The following TSPAN11 variants were observed in gnomAD, a reference collection of about 807,000 sequenced individuals.
TSPAN11 encodes tetraspanin 11.
In TSPAN11, 29 loss-of-function variants were observed where a neutral mutation model predicts 32.9. The ratio of observed to expected loss-of-function variants is 0.88; its 90% CI spans 0.66 to 1.20. TSPAN11 has a LOEUF of 1.20. Ranked by LOEUF, TSPAN11 falls within the 50% of genes most tolerant of loss-of-function variation. The probability of loss-of-function intolerance (pLI) is 0.00; values close to 1 mark genes in which losing one functional copy is unlikely to be tolerated. For synonymous variants in TSPAN11, 140 were observed against 141.3 expected (o/e 0.99, Z 0.07); for missense variants, 283 against 329.1 (o/e 0.86, Z 1.08).
At chr12:30,974,155 C>T (rs1340947610) in intron 3 of TSPAN11, among the ~76,000 whole-genome samples, 4 of 152,270 alleles carry the variant, frequency 2.6e-5, no homozygotes, top group African/African-American at 7.2e-5. Context: ...TGTTCTGTTT[C>T]CAGCTCTTCG....
At chr12:30,978,944 T>C in intron 4 of TSPAN11, 1 of 388,304 alleles carries the variant, frequency 2.6e-6, no homozygotes, top group Non-Finnish European at 4.7e-6. Context: ...GTCAGAGACA[T>C]CCAAGAAGAA....
chr12:30,963,942 G>T lies in TSPAN11; in HGVS notation c.201G>T (p.Ala67=), dbSNP rs550165774. 2 of 1,614,056 alleles carry T rather than the reference G, an allele frequency of 1.2e-6. No homozygotes were observed. The highest frequency in any genetic ancestry group is 4.5e-5 in the East Asian group (2 of 44,888). Reference sequence around the variant, plus strand: ...CCTCCGCCTACATCCTCATCTTTGCGGGCGTACTTGTCATGGTGACCGGCT... The same window carrying T: ...CCTCCGCCTACATCCTCATCTTTGCTGGCGTACTTGTCATGGTGACCGGCT... ...FAASAYILIF[A]GVLVMVTGFL... is the part of the protein sequence containing the mutation. The change falls in exon 3 of 8, where the codon GCG becomes GCT. Residue 67 remains alanine (A), a synonymous_variant. Coordinates refer to ENST00000546076, the MANE Select transcript of TSPAN11 (RefSeq NM_001370302.1).
intron 1 of TSPAN11, among the ~76,000 whole-genome samples, chr12:30,939,476 C>T (rs79316579): frequency 0.023 from 3,443 of 152,294 alleles, 129 homozygotes; most frequent in African/African-American, 0.078. Context: ...GACAGGATGA[C>T]GCGCCTTCCT....
chr12:30,963,869 TGGA>T lies in TSPAN11; in HGVS notation c.130_132del (p.Glu44del). The T allele has an allele frequency of 6.2e-7, 1 of 1,612,248 alleles. No homozygotes were observed. The highest frequency in any genetic ancestry group is 1.3e-5 in the African/African-American group (1 of 75,060). ...CTGGCTGTGGGCATCTGGACCCTGGTGGAGAAGAGTGGCTACCTCAGCGTCCTG... is the reference window on the plus strand; with the variant it reads ...CTGGCTGTGGGCATCTGGACCCTGGTGAAGAGTGGCTACCTCAGCGTCCTG... On this transcript the variant is annotated inframe_deletion, in exon 3 of 8. Transcript: ENST00000546076.
chr12:30,989,684 G>A (rs1939272243), intron 7 of TSPAN11, among the ~76,000 whole-genome samples: 1 of 152,150 alleles, frequency 6.6e-6, no homozygotes, highest in African/African-American at 2.4e-5. Flanking sequence ...CTCAGAACAT[G>A]GAAAACACAA....
chr12:30,962,433 T>C (rs1433108569), intron 2 of TSPAN11, among the ~76,000 whole-genome samples: 15 of 152,230 alleles, frequency 9.9e-5, no homozygotes, highest in Admixed American at 9.8e-4. Context: ...AGTCTTATTC[T>C]CTTCAAGCCT....
intron 7 of TSPAN11, among the ~76,000 whole-genome samples, chr12:30,990,489 A>C (rs1939290891): frequency 6.6e-6 from 1 of 152,208 alleles, no homozygotes; most frequent in Non-Finnish European, 1.5e-5. Flanking sequence ...CGCCTGCGTA[A>C]AGCTAGCGGG....
At chr12:30,936,281 A>G (rs1298095434) in intron 1 of TSPAN11, among the ~76,000 whole-genome samples, 4 of 152,198 alleles carry the variant, frequency 2.6e-5, no homozygotes, top group Non-Finnish European at 5.9e-5. Context: ...GTTGTGCTAC[A>G]GTGATATTAA....
chr12:30,950,194 A>G (rs1389215719), intron 1 of TSPAN11, among the ~76,000 whole-genome samples: 1 of 151,932 alleles, frequency 6.6e-6, no homozygotes, highest in Non-Finnish European at 1.5e-5. Flanking sequence ...TTGGCATGTA[A>G]GGTCGCTCTT....
chr12:30,982,456 T>C lies in TSPAN11; in HGVS notation c.457-76T>C, dbSNP rs1939109786. On this transcript the variant is annotated intron_variant, in intron 5 of 7. Transcript: ENST00000546076. ...GACAAATAGGGGTTGGGTTAGTATT[T>C]GAATAATGTGTCCTGCAGCCTGGGA... The C allele has an allele frequency of 3.3e-6, 5 of 1,526,654 alleles. No homozygotes were observed. In the South Asian group the frequency reaches 5.1e-5, roughly 16 times the overall value. The allele number at this position is 1,526,654 out of a possible 1,614,324, so 94.6% of individuals were successfully genotyped here. A position where few individuals can be genotyped will look rare whatever the true frequency, so the allele number is the denominator to read the frequency against.
At chr12:30,934,470 G>T (rs1159870881) in intron 1 of TSPAN11, among the ~76,000 whole-genome samples, 2 of 152,176 alleles carry the variant, frequency 1.3e-5, no homozygotes, top group Non-Finnish European at 2.9e-5. Flanking sequence ...GTTCCACATG[G>T]CTGGGGAGGC....
intron 3 of TSPAN11, among the ~76,000 whole-genome samples, chr12:30,965,361 G>A (rs1004470338): frequency 3.9e-5 from 6 of 152,160 alleles, no homozygotes; most frequent in African/African-American, 7.2e-5. Context: ...GCCAAGCCAC[G>A]TGCTCTCACC....
At chr12:30,937,903 C>A (rs1209281630) in intron 1 of TSPAN11, among the ~76,000 whole-genome samples, 7 of 152,174 alleles carry the variant, frequency 4.6e-5, no homozygotes, top group Non-Finnish European at 7.3e-5. Context: ...TCAGACACAT[C>A]CATGGCAAGG....
At chr12:30,971,576 C>CAAAT (rs1356917834) in intron 3 of TSPAN11, among the ~76,000 whole-genome samples, 3 of 151,972 alleles carry the variant, frequency 2.0e-5, no homozygotes, top group East Asian at 3.9e-4. Context: ...CCTATCTCTA[C>CAAAT]AAATAAATAA....
the TSPAN11 span, among the ~76,000 whole-genome samples, chr12:31,010,417 A>C: frequency 6.6e-6 from 1 of 152,216 alleles, no homozygotes; most frequent in Admixed American, 6.5e-5. Flanking sequence ...GAGTTCAGGC[A>C]CTTCCCATAT....
At chr12:30,998,365 AAG>A (rs535460340), downstream of TSPAN11, among the ~76,000 whole-genome samples, 4 of 152,268 alleles carry the variant, frequency 2.6e-5, no homozygotes, top group South Asian at 8.3e-4. Context: ...CCCAAAGACC[AAG>A]TTGTCATTGC....
At chr12:30,941,185 G>A (rs1938155687) in intron 1 of TSPAN11, among the ~76,000 whole-genome samples, 1 of 152,176 alleles carries the variant, frequency 6.6e-6, no homozygotes, top group African/African-American at 2.4e-5. Flanking sequence ...GTATTTGCAG[G>A]ATGCAAAACC....
At chr12:30,937,912 G>C (rs889160907) in intron 1 of TSPAN11, among the ~76,000 whole-genome samples, 3 of 152,214 alleles carry the variant, frequency 2.0e-5, no homozygotes, top group African/African-American at 7.2e-5. Flanking sequence ...TCCATGGCAA[G>C]GGAAAGACTG....
chr12:30,927,125 C>T, intron 1 of TSPAN11: 4 of 943,444 alleles, frequency 4.2e-6, no homozygotes, highest in East Asian at 8.0e-5. Context: ...TGCCGTCCAG[C>T]GTGCCCGGGG....
Sources: gnomAD v4.1 joint callset for allele counts (sites outside exome capture counted in the v4.1 genomes callset) on GRCh38, gnomAD v4.1.1 for gene constraint, MANE v1.5 for transcripts, NCBI Gene and HGNC (gene_info 2026-07-23, HGNC 2026-07-21) for gene names.